THNSL1: variants seen among roughly 807,000 people sequenced by gnomAD.
THNSL1 encodes threonine synthase like 1, also known as threonine synthase-like 1.
In THNSL1, 48 loss-of-function variants were observed where a neutral mutation model predicts 50.4. The observed-to-expected ratio is 0.95, with a 90% CI of 0.76 to 1.21. The LOEUF (loss-of-function observed/expected upper bound fraction) is 1.21, where lower values mean the gene tolerates loss of function less well. Among genes scored for constraint, THNSL1 ranks in the 50% most tolerant of loss-of-function variants. The pLI is 0.00. For synonymous variants in THNSL1, 309 were observed against 306.1 expected, an observed-to-expected ratio of 1.01 and a Z score of -0.10; for missense variants, 896 against 871.7, an observed-to-expected ratio of 1.03 and a Z score of -0.35.
At chr10:24,965,695 A>C in the THNSL1 span, among the ~76,000 whole-genome samples, 1 of 152,170 alleles carries the variant, frequency 6.6e-6, no homozygotes, top group Non-Finnish European at 1.5e-5. Context: ...GAGCAGCTCT[A>C]GTTATTGAAA....
chr10:25,017,326 T>A (rs1341338004), intron 1 of THNSL1, among the ~76,000 whole-genome samples: 1 of 152,182 alleles, frequency 6.6e-6, no homozygotes, highest in Non-Finnish European at 1.5e-5. Context: ...ATTTAGACGC[T>A]TTTACCCGAG....
chr10:25,024,978 G>T lies in THNSL1; in HGVS notation c.1755G>T (p.Gln585His). Reference protein sequence around the residue: ...HLHLMANKDGQLMTELFNRLE... With the variant: ...HLHLMANKDGHLMTELFNRLE... ...ACTTGATGGCTAATAAAGATGGACAGCTAATGACAGAATTATTTAATCGAT... is the reference window on the plus strand; with the variant it reads ...ACTTGATGGCTAATAAAGATGGACATCTAATGACAGAATTATTTAATCGAT... Residue 585 changes from glutamine (Q) to histidine (H), a missense_variant, in exon 3 of 3, where the codon CAG (glutamine) becomes CAT (histidine). By Grantham distance (24) the Gln-to-His change is conservative. Transcript: ENST00000376356. 6.2e-7 allele frequency: 1 copy of T among 1,614,156 alleles called. No homozygotes were observed. The highest frequency in any genetic ancestry group is 8.5e-7 in the Non-Finnish European group (1 of 1,180,036).
the THNSL1 span, among the ~76,000 whole-genome samples, chr10:25,010,734 G>A: frequency 6.6e-5 from 9 of 136,450 alleles, 2 homozygotes; most frequent in Admixed American, 1.6e-4. Flanking sequence ...TGAGAATGAC[G>A]ATTTCCAATT....
chr10:24,977,497 C>T, the THNSL1 span, among the ~76,000 whole-genome samples: 2 of 152,150 alleles, frequency 1.3e-5, no homozygotes, highest in African/African-American at 4.8e-5. Flanking sequence ...TCATTCACTG[C>T]AACATTGCTT....
At chr10:24,974,663 A>C in the THNSL1 span, among the ~76,000 whole-genome samples, 452 of 152,370 alleles carry the variant, frequency 3.0e-3, 1 homozygote, top group Middle Eastern at 0.017. Flanking sequence ...GTCAGTTGTC[A>C]TCAGCTTGCT....
chr10:24,988,318 A>G, the THNSL1 span, among the ~76,000 whole-genome samples: 1 of 145,388 alleles, frequency 6.9e-6, no homozygotes, highest in African/African-American at 2.5e-5. Flanking sequence ...ATATGTGTGT[A>G]TATATATTTA....
At chr10:25,014,062 A>C (rs1850510748), upstream of THNSL1, among the ~76,000 whole-genome samples, 1 of 152,220 alleles carries the variant, frequency 6.6e-6, no homozygotes, top group Admixed American at 6.5e-5. Flanking sequence ...ATTGACTCTG[A>C]GGCTTTCATA....
In THNSL1 at chr10:25,024,303, T is replaced by C; in HGVS notation, c.1080T>C (p.His360=). 1 of 1,614,218 alleles carries C rather than the reference T, an allele frequency of 6.2e-7. No homozygotes were observed. The highest frequency in any genetic ancestry group is 8.5e-7 in the Non-Finnish European group (1 of 1,180,034). The change falls in exon 3 of 3, where the codon CAT becomes CAC. Residue 360 remains histidine (H), a synonymous_variant. Coordinates refer to ENST00000376356, the MANE Select transcript of THNSL1 (RefSeq NM_024838.5). ...FKDLSLQLMP[H]IFAHCIPPSC... ...ATTTGTCTTTACAGCTTATGCCTCATATTTTTGCACACTGTATCCCACCAA... is the reference window on the plus strand; with the variant it reads ...ATTTGTCTTTACAGCTTATGCCTCACATTTTTGCACACTGTATCCCACCAA...
the THNSL1 span, among the ~76,000 whole-genome samples, chr10:24,968,736 A>G: frequency 6.6e-6 from 1 of 152,178 alleles, no homozygotes; most frequent in Admixed American, 6.5e-5. Context: ...AAAGCAGACC[A>G]ATTGTTCGAA....
upstream of THNSL1, chr10:25,015,843 T>A (rs1217932987): frequency 1.3e-6 from 2 of 1,589,286 alleles, no homozygotes; most frequent in Admixed American, 1.8e-5. Context: ...AGTGATAGTC[T>A]TTGCTTATCC....
At chr10:24,952,607 G>GGC in the THNSL1 span, 31 of 1,565,176 alleles carry the variant, frequency 2.0e-5, no homozygotes, top group Non-Finnish European at 2.6e-5. The surrounding 1 kb of genome is among the most constrained non-coding windows in gnomAD (Gnocchi z 5.1). Context: ...AAGGGAAGAC[G>GGC]GCGCGGGAAG....
the THNSL1 span, among the ~76,000 whole-genome samples, chr10:24,972,282 C>T: frequency 6.0e-5 from 9 of 150,286 alleles, no homozygotes; most frequent in East Asian, 3.9e-4. Flanking sequence ...TTGAGGCAGG[C>T]GGATCACCTG....
the THNSL1 span, among the ~76,000 whole-genome samples, chr10:24,965,930 A>C: frequency 2.0e-5 from 3 of 152,266 alleles, no homozygotes; most frequent in Non-Finnish European, 2.9e-5. Flanking sequence ...GAGGTTGTGT[A>C]ACTTGGGAGG....
the THNSL1 span, among the ~76,000 whole-genome samples, chr10:24,991,953 CT>C: frequency 2.0e-5 from 3 of 152,188 alleles, no homozygotes; most frequent in Non-Finnish European, 4.4e-5. Flanking sequence ...CATGCTCCCC[CT>C]AGAAGTGTGA....
At chr10:25,022,773 T>C (rs1156229736) in intron 2 of THNSL1, among the ~76,000 whole-genome samples, 1 of 152,200 alleles carries the variant, frequency 6.6e-6, no homozygotes, top group Non-Finnish European at 1.5e-5. Flanking sequence ...CCAAATCATC[T>C]TTATATGTGA....
the THNSL1 span, among the ~76,000 whole-genome samples, chr10:25,007,576 A>C: frequency 6.6e-6 from 1 of 152,116 alleles, no homozygotes; most frequent in Non-Finnish European, 1.5e-5. Flanking sequence ...CTGGGACTAC[A>C]GGCGCCCGCC....
chr10:24,967,882 TTGTG>T, the THNSL1 span, among the ~76,000 whole-genome samples: 2 of 151,590 alleles, frequency 1.3e-5, no homozygotes, highest in African/African-American at 4.9e-5. Context: ...TGTGTGTATT[TTGTG>T]TGTGTATGTG....
At chr10:25,001,893 C>G in the THNSL1 span, among the ~76,000 whole-genome samples, 8 of 152,120 alleles carry the variant, frequency 5.3e-5, no homozygotes, top group Non-Finnish European at 1.2e-4. Flanking sequence ...TTTCCTGCTT[C>G]TTTGCATGCC....
intron 1 of THNSL1, among the ~76,000 whole-genome samples, chr10:25,017,013 C>T (rs1850605552): frequency 1.3e-5 from 2 of 152,276 alleles, no homozygotes; most frequent in South Asian, 2.1e-4. Context: ...CCGCCTGCTG[C>T]GCTCGCCCTC....
Sources: allele counts gnomAD v4.1 joint callset (sites outside exome capture counted in the v4.1 genomes callset), GRCh38; gene constraint gnomAD v4.1.1; non-coding constraint Gnocchi (gnomAD v3.1); transcripts MANE v1.5; gene names NCBI Gene and HGNC (gene_info 2026-07-23, HGNC 2026-07-21).